The following CA12 variants were observed in gnomAD, a reference collection of about 807,000 sequenced individuals.
The protein encoded by CA12 is carbonate dehydratase XII.
CA12 carries 36 observed loss-of-function variants against 46.8 expected under a neutral mutation model. The ratio of observed to expected loss-of-function variants is 0.77; its 90% CI spans 0.59 to 1.02. CA12 has a LOEUF of 1.02. Among genes scored for constraint, CA12 ranks in the 50% least tolerant of loss-of-function variants. The probability of loss-of-function intolerance (pLI) is 0.00; values close to 1 mark genes in which losing one functional copy is unlikely to be tolerated. For synonymous variants in CA12, 202 were observed against 187.0 expected (o/e 1.08, Z -0.65); for missense variants, 436 against 451.4 (o/e 0.97, Z 0.31).
chr15:63,336,754 C>T (rs890627828), intron 8 of CA12, among the ~76,000 whole-genome samples: 2 of 151,898 alleles, frequency 1.3e-5, no homozygotes, highest in Non-Finnish European at 2.9e-5. Flanking sequence ...CCACAGCCTG[C>T]AGCCAGGAGG....
In CA12 at chr15:63,331,962, G is replaced by T. The variant is rs2038943061; in HGVS notation, c.875-3832C>A. ...ATTTTCTAGCTCTATTTACGATTCT[G>T]TTTGACTGTGGACTATAATCCTTTT... is the stretch of plus-strand genomic sequence containing the variant. On this transcript the variant is annotated intron_variant, in intron 8 of 10. Transcript: ENST00000178638. This position sits in a 1 kb window ranked among gnomAD's most constrained non-coding sequence, Gnocchi z 5.3. 1 of 152,196 alleles carries T rather than the reference G, an allele frequency of 6.6e-6. No individual in the cohort carries two copies. The highest frequency in any genetic ancestry group is 6.5e-5 in the Admixed American group (1 of 15,280). The allele number at this position is 152,196 out of a possible 1,614,324, so 9.4% of individuals were successfully genotyped here.
chr15:63,327,229 G>A lies in CA12; in HGVS notation c.912C>T (p.Ile304=). The change falls in exon 10 of 11, where the codon ATC becomes ATT. Residue 304 remains isoleucine (I), a synonymous_variant. Coordinates refer to ENST00000178638, the MANE Select transcript of CA12 (RefSeq NM_001218.5). The surrounding 1 kb of genome is among the most constrained non-coding windows in gnomAD (Gnocchi z 4.5). ...VCTAAGLSLG[I]ILSLALAGIL... The stretch of plus-strand genomic sequence containing the variant: ...TGCCAGCCAGGGCCAGTGAGAGGAT[G>A]ATGCCTGGTGAAGAGGTAGAGGGCA... 1 of 1,613,574 alleles carries A rather than the reference G, an allele frequency of 6.2e-7. No homozygotes were observed. The highest frequency in any genetic ancestry group is 8.5e-7 in the Non-Finnish European group (1 of 1,179,634).
In CA12 at chr15:63,348,328, T is replaced by C. The variant is rs1055966800; in HGVS notation, c.107-1619A>G. ...TCAAAATAACTCAACTACACCAAGA[T>C]GGTGACTAGGGAAGAGGGAGGCTGG... On this transcript the variant is annotated intron_variant, in intron 2 of 10. Transcript: ENST00000178638. This position sits in a 1 kb window ranked among gnomAD's most constrained non-coding sequence, Gnocchi z 4.6. 4.6e-5 allele frequency among the ~76,000 whole-genome samples: 7 copies of C among 152,108 alleles called. No individual in the cohort carries two copies.
At chr15:63,352,333 AG>A (rs1444128472) in intron 2 of CA12, among the ~76,000 whole-genome samples, 1 of 152,270 alleles carries the variant, frequency 6.6e-6, no homozygotes, top group Non-Finnish European at 1.5e-5. Flanking sequence ...CTGGGAATAC[AG>A]GCGCGAGCCA....
At position 63,345,486 on chromosome 15, in the gene CA12, G is replaced by T; in HGVS notation, c.420C>A (p.Phe140Leu). ...GSEHTVSGQH[F>L]AAELHIVHYN... ...TGGCAGCCCTACTTACCTCGGCGGC[G>T]AAGTGCTGTCCGCTGACGGTGTGCT... is the stretch of plus-strand genomic sequence containing the variant. Residue 140 changes from phenylalanine to leucine, a missense_variant, in exon 4 of 11, where the codon TTC becomes TTA. Transcript: ENST00000178638. The surrounding 1 kb of genome is among the most constrained non-coding windows in gnomAD (Gnocchi z 4.3). 6.2e-7 allele frequency: 1 copy of T among 1,608,372 alleles called. No individual in the cohort carries two copies. Among genetic ancestry groups the T allele is most frequent in the East Asian group, 2.2e-5 (1 of 44,886 alleles).
chr15:63,351,774 ACTAG>A (rs2039235656), intron 2 of CA12, among the ~76,000 whole-genome samples: 1 of 152,202 alleles, frequency 6.6e-6, no homozygotes, highest in African/African-American at 2.4e-5. Flanking sequence ...GGTTGTGCAC[ACTAG>A]CAAGCAGTGA....
rs966882080 is a variant in CA12 at position 63,324,344 on chromosome 15, CAG to C, written c.*1939_*1940del. On this transcript the variant is annotated 3_prime_UTR_variant, in exon 11 of 11. Transcript: ENST00000178638. ...ACAAAACTCATCCACAAAAGATATA[CAG>C]AGTCTTTTGACAGACAGTCCCACTG... The C allele has an allele frequency of 2.0e-5, 3 of 152,354 alleles. No individual in the cohort carries two copies. The highest frequency in any genetic ancestry group is 4.8e-5 in the African/African-American group (2 of 41,572). 9.4% of individuals were successfully genotyped at this position (152,354 alleles called of 1,614,324 possible). A position where few individuals can be genotyped will look rare whatever the true frequency, so the allele number is the denominator to read the frequency against.
chr15:63,370,759 C>T (rs915638498), intron 2 of CA12, among the ~76,000 whole-genome samples: 4 of 148,848 alleles, frequency 2.7e-5, no homozygotes, highest in African/African-American at 5.0e-5. Flanking sequence ...GGTGGCAGAG[C>T]GAGACTCCAT....
At chr15:63,379,154 C>A (rs1257019063) in intron 1 of CA12, 1 of 152,214 alleles carries the variant, frequency 6.6e-6, no homozygotes. Context: ...GCCTCCAGAG[C>A]AACATTCCCT....
At chr15:63,336,277 A>G (rs897957282) in intron 8 of CA12, among the ~76,000 whole-genome samples, 2 of 152,178 alleles carry the variant, frequency 1.3e-5, no homozygotes, top group African/African-American at 4.8e-5. Context: ...AAACCTGCCT[A>G]CGCTGCCCCA....
At position 63,345,156 on chromosome 15, in the gene CA12, A is replaced by G. The variant is rs2039129163; in HGVS notation, c.429+321T>C. Among the ~76,000 whole-genome samples, 1 of 152,246 alleles carries G rather than the reference A, an allele frequency of 6.6e-6. No individual in the cohort carries two copies. The highest frequency in any genetic ancestry group is 2.1e-4 in the South Asian group (1 of 4,836). On this transcript the variant is annotated intron_variant, in intron 4 of 10. Coordinates refer to ENST00000178638, the MANE Select transcript of CA12 (RefSeq NM_001218.5). The surrounding 1 kb of genome is among the most constrained non-coding windows in gnomAD (Gnocchi z 4.3). The stretch of plus-strand genomic sequence containing the variant: ...GTCAGCAGGAGATTTTTATCTGCAC[A>G]GATAGGAAGGCAATGTCTAAAAGAA...
intron 2 of CA12, among the ~76,000 whole-genome samples, chr15:63,352,307 T>G (rs2039242911): frequency 6.6e-6 from 1 of 152,250 alleles, no homozygotes; most frequent in African/African-American, 2.4e-5. Flanking sequence ...TCCACCTGCC[T>G]TGGCCTCCCA....
Position 63,348,250 on chromosome 15 carries a change from A to G in CA12, c.107-1541T>C, listed in dbSNP as rs1235475715. 6.6e-6 allele frequency among the ~76,000 whole-genome samples: 1 copy of G among 152,138 alleles called. No individual in the cohort carries two copies. Among genetic ancestry groups the G allele is most frequent in the Non-Finnish European group, 1.5e-5 (1 of 68,020 alleles). ...CCTTTCACTGGACACCAGTCTTCTC[A>G]CTTGGGCATGGCAGAGTCTCCGCTG... is the stretch of plus-strand genomic sequence containing the variant. On this transcript the variant is annotated intron_variant, in intron 2 of 10. Coordinates refer to ENST00000178638, the MANE Select transcript of CA12 (RefSeq NM_001218.5). The surrounding 1 kb of genome is among the most constrained non-coding windows in gnomAD (Gnocchi z 4.6).
rs1595778324 is a variant in CA12, at chr15:63,338,680, G to A, written c.874+139C>T. On this transcript the variant is annotated intron_variant, in intron 8 of 10. Transcript: ENST00000178638. ...TGAGCCCCACACCTAGTCTCACAAG[G>A]CGCCTGGTTCCCGTGGCAGCCAGGG... 22 of 1,112,288 alleles carry A rather than the reference G, an allele frequency of 2.0e-5. No homozygotes were observed. The East Asian group carries it at 5.0e-4, about 25-fold the overall frequency. The allele number at this position is 1,112,288 out of a possible 1,614,324, so 68.9% of individuals were successfully genotyped here. A position where few individuals can be genotyped will look rare whatever the true frequency, so the allele number is the denominator to read the frequency against.
chr15:63,351,475 G>A (rs556462011), intron 2 of CA12, among the ~76,000 whole-genome samples: 1 of 152,216 alleles, frequency 6.6e-6, no homozygotes, highest in East Asian at 1.9e-4. Flanking sequence ...ACAAAGCACA[G>A]CCTAGCTGTT....
rs570464592 is a variant in CA12 at position 63,378,074 on chromosome 15, T to C, written c.86-2396A>G. On this transcript the variant is annotated intron_variant, in intron 1 of 10. Transcript: ENST00000178638. The surrounding 1 kb of genome is among the most constrained non-coding windows in gnomAD (Gnocchi z 4.8). ...CCCCTGGAGTATCCGATGAGTATTA[T>C]GGACCTCTCCCAGTAAAAATTTCCC... Among the ~76,000 whole-genome samples, 5 of 152,326 alleles carry C rather than the reference T, an allele frequency of 3.3e-5. No individual in the cohort carries two copies. The highest frequency in any genetic ancestry group is 7.4e-5 in the Non-Finnish European group (5 of 68,022).
At chr15:63,342,495 T>A (rs1219285117) in intron 4 of CA12, among the ~76,000 whole-genome samples, 2 of 152,186 alleles carry the variant, frequency 1.3e-5, no homozygotes, top group African/African-American at 4.8e-5. Flanking sequence ...GAGACCAAGA[T>A]TTTATCATGC....
At chr15:63,338,601 G>T (rs2039033288) in intron 8 of CA12, among the ~76,000 whole-genome samples, 1 of 152,174 alleles carries the variant, frequency 6.6e-6, no homozygotes, top group Non-Finnish European at 1.5e-5. Flanking sequence ...CCATGTGCCT[G>T]GGGGCCTCGG....
rs1225315392 is a variant in CA12, at chr15:63,381,765, C to T, written c.-45G>A. On this transcript the variant is annotated 5_prime_UTR_variant, in exon 1 of 11. Coordinates refer to ENST00000178638, the MANE Select transcript of CA12 (RefSeq NM_001218.5). Reference sequence around the variant, plus strand: ...GCGGGCGCGGGCTGTGCCGGGGGCTCCCGGTGGCCGCTCGCTCTCCAGCTG... The same window carrying T: ...GCGGGCGCGGGCTGTGCCGGGGGCTTCCGGTGGCCGCTCGCTCTCCAGCTG... 5 of 1,372,886 alleles carry T rather than the reference C, an allele frequency of 3.6e-6. No individual in the cohort carries two copies. Among genetic ancestry groups the T allele is most frequent in the African/African-American group, 1.5e-5 (1 of 65,900 alleles). The allele number at this position is 1,372,886 out of a possible 1,614,324, so 85.0% of individuals were successfully genotyped here. A position where few individuals can be genotyped will look rare whatever the true frequency, so the allele number is the denominator to read the frequency against.
Sources: allele counts gnomAD v4.1 joint callset (sites outside exome capture counted in the v4.1 genomes callset), GRCh38; gene constraint gnomAD v4.1.1; non-coding constraint Gnocchi (gnomAD v3.1); transcripts MANE v1.5; gene names NCBI Gene and HGNC (gene_info 2026-07-23, HGNC 2026-07-21).